The following YEATS2 variants were observed in gnomAD, a reference collection of about 807,000 sequenced individuals.
YEATS2 encodes the protein YEATS domain-containing protein 2.
A neutral mutation model predicts 163.2 loss-of-function variants in YEATS2; 77 were observed. The observed-to-expected ratio is 0.47, with a 90% CI of 0.39 to 0.57. YEATS2 has a LOEUF of 0.57. Among genes scored for constraint, YEATS2 ranks in the 20% least tolerant of loss-of-function variants. The pLI, the probability that YEATS2 is intolerant of heterozygous loss-of-function variation, is 0.00. For synonymous variants in YEATS2, 631 were observed against 645.1 expected (o/e 0.98, Z 0.33); for missense variants, 1,549 against 1,729.8 (o/e 0.90, Z 1.85).
At chr3:183,701,235 C>T (rs1173583701) in intron 1 of YEATS2, among the ~76,000 whole-genome samples, 4 of 151,804 alleles carry the variant, frequency 2.6e-5, no homozygotes, top group African/African-American at 9.7e-5. Flanking sequence ...CACCCACCAC[C>T]TCGCCTGGCT....
chr3:183,731,590 T>C (rs1323187477), intron 7 of YEATS2, among the ~76,000 whole-genome samples: 1 of 152,192 alleles, frequency 6.6e-6, no homozygotes, highest in African/African-American at 2.4e-5. Context: ...TAAGAAGTCT[T>C]TACTAATCTG....
intron 21 of YEATS2, among the ~76,000 whole-genome samples, chr3:183,791,620 C>A (rs1040115751): frequency 2.6e-5 from 4 of 152,084 alleles, no homozygotes; most frequent in African/African-American, 9.7e-5. Flanking sequence ...GTACTAATTT[C>A]TTTTTTCCTA....
At chr3:183,807,803 A>G in intron 28 of YEATS2, 1 of 453,620 alleles carries the variant, frequency 2.2e-6, no homozygotes, top group Non-Finnish European at 3.9e-6. Flanking sequence ...AGATTTTAAT[A>G]GGATTATAGT....
At chr3:183,798,738 G>T (rs1432068240) in intron 22 of YEATS2, among the ~76,000 whole-genome samples, 153 bp from the exon 23 acceptor site, 1 of 152,104 alleles carries the variant, frequency 6.6e-6, no homozygotes, top group Non-Finnish European at 1.5e-5. Flanking sequence ...CCTAATAATC[G>T]CCCACTATTA....
rs759916088 is a variant in YEATS2, at chr3:183,786,037, A to G, written c.2737-88A>G. On this transcript the variant is annotated intron_variant, in intron 19 of 30. Transcript: ENST00000305135. ...GACTTTCTTGGTTATTCTCCAAGTC[A>G]TGGGGCGTATCTCAGCTGTCAGTAA... The G allele has an allele frequency of 5.7e-5, 83 of 1,445,134 alleles. No individual in the cohort carries two copies. In the South Asian group the frequency reaches 8.2e-4, roughly 14 times the overall value. 89.5% of individuals were successfully genotyped at this position (1,445,134 alleles called of 1,614,324 possible).
chr3:183,735,047 A>G (rs959489550), intron 7 of YEATS2, among the ~76,000 whole-genome samples: 13 of 152,082 alleles, frequency 8.5e-5, no homozygotes, highest in African/African-American at 2.2e-4. Context: ...GTTAAAAAGC[A>G]TTGTTCATTT....
At chr3:183,793,275 T>C in intron 21 of YEATS2, 1 of 1,161,120 alleles carries the variant, frequency 8.6e-7, no homozygotes, top group East Asian at 6.1e-5. Flanking sequence ...ACTTCATTCA[T>C]ATGTAGCTCC....
intron 7 of YEATS2, among the ~76,000 whole-genome samples, chr3:183,730,048 G>GTT (rs1476187052): frequency 2.4e-4 from 5 of 20,806 alleles, no homozygotes; most frequent in Non-Finnish European, 5.6e-4. Context: ...GTGGTTTTTT[G>GTT]TTTGTTTTTT....
At chr3:183,707,497 G>A (rs1714730003) in intron 1 of YEATS2, among the ~76,000 whole-genome samples, 2 of 152,104 alleles carry the variant, frequency 1.3e-5, no homozygotes, top group Admixed American at 1.3e-4. Context: ...GGATTGTAGA[G>A]TCTTATTCAG....
intron 30 of YEATS2, among the ~76,000 whole-genome samples, chr3:183,809,752 G>A (rs1309577996): frequency 2.6e-5 from 4 of 152,146 alleles, no homozygotes; most frequent in Admixed American, 2.6e-4. Flanking sequence ...TGGTAGATAG[G>A]CCACATCTGC....
At chr3:183,768,802 G>A (rs956799517) in intron 15 of YEATS2, among the ~76,000 whole-genome samples, 18 of 152,080 alleles carry the variant, frequency 1.2e-4, no homozygotes, top group Non-Finnish European at 1.8e-4. Flanking sequence ...GAGAAACCCC[G>A]TCTCTACTAA....
chr3:183,734,543 C>T (rs748808799), intron 7 of YEATS2, among the ~76,000 whole-genome samples: 20 of 152,080 alleles, frequency 1.3e-4, no homozygotes, highest in Non-Finnish European at 1.9e-4. Context: ...ATGTTCATTC[C>T]GAAAAGACTT....
intron 30 of YEATS2, 89 bp from the exon 31 acceptor site, chr3:183,810,386 G>C: frequency 4.1e-6 from 5 of 1,234,230 alleles, no homozygotes; most frequent in Non-Finnish European, 5.8e-6. Flanking sequence ...CCTCTGCCTG[G>C]GATGGTCCCT....
chr3:183,737,850 T>C (rs1718506520), intron 8 of YEATS2, among the ~76,000 whole-genome samples: 1 of 152,204 alleles, frequency 6.6e-6, no homozygotes. Context: ...TGCTTATTGC[T>C]CTCAGTAGAT....
chr3:183,757,881 A>T (rs1720934896), intron 12 of YEATS2, among the ~76,000 whole-genome samples: 1 of 152,034 alleles, frequency 6.6e-6, no homozygotes, highest in East Asian at 1.9e-4. Flanking sequence ...ATACTTAAGG[A>T]TGCCAAATAG....
intron 7 of YEATS2, among the ~76,000 whole-genome samples, chr3:183,736,309 A>G (rs553712633): frequency 2.0e-5 from 3 of 152,322 alleles, no homozygotes; most frequent in Admixed American, 1.3e-4. Flanking sequence ...TTCATGATTC[A>G]TTTTGTTTCT....
At position 183,754,184 on chromosome 3, in the gene YEATS2, A is replaced by T; in HGVS notation, c.1209A>T (p.Ser403=). 4 of 1,612,882 alleles carry T rather than the reference A, an allele frequency of 2.5e-6. No homozygotes were observed. Among genetic ancestry groups the T allele is most frequent in the Non-Finnish European group, 3.4e-6 (4 of 1,179,102 alleles). The change falls in exon 11 of 31, where the codon TCA becomes TCT. Residue 403 remains serine, a synonymous_variant. Coordinates refer to ENST00000305135, the MANE Select transcript of YEATS2 (RefSeq NM_018023.5). ...RHTPFYALPS[S]LERTPTKMTT... ...CTCCGTTTTATGCTTTGCCATCTTC[A>T]TTGGAAAGAACACCCACCAAAATGA...
At chr3:183,730,048 G>GTTTTTTTTT (rs1476187052) in intron 7 of YEATS2, among the ~76,000 whole-genome samples, 2 of 20,806 alleles carry the variant, frequency 9.6e-5, no homozygotes, top group Non-Finnish European at 2.2e-4. Flanking sequence ...GTGGTTTTTT[G>GTTTTTTTTT]TTTGTTTTTT....
intron 1 of YEATS2, among the ~76,000 whole-genome samples, chr3:183,707,135 A>G (rs923203982): frequency 1.3e-5 from 2 of 152,216 alleles, no homozygotes; most frequent in African/African-American, 2.4e-5. Context: ...ACAGTATGAA[A>G]TCTGAAACAG....
Sources: allele counts gnomAD v4.1 joint callset (sites outside exome capture counted in the v4.1 genomes callset), GRCh38; gene constraint gnomAD v4.1.1; transcripts MANE v1.5; gene names NCBI Gene and HGNC (gene_info 2026-07-23, HGNC 2026-07-21).